The following MRTFB variants were observed in gnomAD, a reference collection of about 807,000 sequenced individuals.
MRTFB encodes the protein myocardin related transcription factor B.
Under a neutral mutation model 104.2 loss-of-function variants are expected in MRTFB, and 29 were observed. That is an observed-to-expected ratio of 0.28 (90% CI 0.21 to 0.38). The LOEUF (loss-of-function observed/expected upper bound fraction) is 0.38. Ranked by LOEUF, MRTFB falls within the 10% of genes least tolerant of loss-of-function variation. The probability of loss-of-function intolerance (pLI) is 1.00; values close to 1 mark genes in which losing one functional copy is unlikely to be tolerated. For synonymous variants in MRTFB, 535 were observed against 519.5 expected (o/e 1.03, Z -0.41); for missense variants, 1,270 against 1,341.6 (o/e 0.95, Z 0.83).
chr16:14,198,633 C>A (rs1398912358), intron 3 of MRTFB, among the ~76,000 whole-genome samples: 1 of 152,162 alleles, frequency 6.6e-6, no homozygotes, highest in African/African-American at 2.4e-5. Flanking sequence ...TATTCCAAAC[C>A]TCCTTCACTG....
intron 2 of MRTFB, among the ~76,000 whole-genome samples, chr16:14,124,265 T>A (rs1030127850): frequency 6.6e-6 from 1 of 152,190 alleles, no homozygotes; most frequent in African/African-American, 2.4e-5. Flanking sequence ...TTTCTTTCTC[T>A]TGCCTGATTG....
At chr16:14,185,331 C>CA (rs2039915322) in intron 3 of MRTFB, among the ~76,000 whole-genome samples, 1 of 152,188 alleles carries the variant, frequency 6.6e-6, no homozygotes, top group Non-Finnish European at 1.5e-5. Flanking sequence ...CAGAATACTT[C>CA]ATCCAGACCC....
chr16:14,110,272 A>C (rs1221768918), intron 2 of MRTFB, among the ~76,000 whole-genome samples: 1 of 152,192 alleles, frequency 6.6e-6, no homozygotes, highest in African/African-American at 2.4e-5. Flanking sequence ...GCAGAGGCCA[A>C]AACCACATGG....
intron 3 of MRTFB, among the ~76,000 whole-genome samples, chr16:14,176,318 G>A (rs1567416289): frequency 1.3e-5 from 2 of 152,204 alleles, no homozygotes; most frequent in African/African-American, 4.8e-5. Context: ...TACAGTTCCA[G>A]CTCGCAAAGA....
At chr16:14,170,715 G>A (rs2039395555) in intron 3 of MRTFB, among the ~76,000 whole-genome samples, 1 of 152,116 alleles carries the variant, frequency 6.6e-6, no homozygotes, top group Admixed American at 6.5e-5. Context: ...AGGTATTATA[G>A]GGTCAGAGAG....
chr16:14,218,896 G>C lies in MRTFB; in HGVS notation c.591G>C (p.Pro197=). Residue 197 remains proline, a synonymous_variant, in exon 8 of 17, where the codon CCG becomes CCC. Coordinates refer to ENST00000571589, the MANE Select transcript of MRTFB (RefSeq NM_001308142.2). The stretch of plus-strand genomic sequence containing the variant: ...AAGACAGCAGTGACGCTTTGTCTCC[G>C]GACCAGCCTGCGAGTCAGGAGTCAC... The part of the protein sequence containing the change: ...FDEDSSDALS[P]DQPASQESQG... 2 of 1,613,998 alleles carry C rather than the reference G, an allele frequency of 1.2e-6. No homozygotes were observed. Among genetic ancestry groups the C allele is most frequent in the African/African-American group, 2.7e-5 (2 of 75,006 alleles).
chr16:14,017,094 T>C, the MRTFB span, among the ~76,000 whole-genome samples: 1 of 148,646 alleles, frequency 6.7e-6, no homozygotes, highest in East Asian at 2.0e-4. Context: ...TCTCGCTCTG[T>C]TGCCCAGGCT....
intron 9 of MRTFB, among the ~76,000 whole-genome samples, chr16:14,234,856 G>T (rs1282943211): frequency 1.3e-5 from 2 of 152,102 alleles, no homozygotes; most frequent in Admixed American, 6.5e-5. Context: ...TGCCACCCAG[G>T]CCACTAAGAT....
Position 14,260,988 on chromosome 16 carries a change from A to G in MRTFB, c.2844A>G (p.Pro948=), listed in dbSNP as rs2043752730. The part of the protein sequence containing the change: ...RPVTASITTM[P]VNTVVSRPPP... ...TGACAGCCAGCATCACCACAATGCCAGTGAATACAGTGGTGTCCCGGCCAC... is the reference window on the plus strand; with the variant it reads ...TGACAGCCAGCATCACCACAATGCCGGTGAATACAGTGGTGTCCCGGCCAC... Residue 948 remains proline (P), a synonymous_variant, in exon 17 of 17, where the codon CCA becomes CCG. Transcript: ENST00000571589. 2.5e-6 allele frequency: 4 copies of G among 1,614,188 alleles called. No individual in the cohort carries two copies. In the East Asian group the frequency reaches 8.9e-5, roughly 36 times the overall value.
chr16:14,190,057 G>T (rs779462346), intron 3 of MRTFB, among the ~76,000 whole-genome samples: 2 of 152,224 alleles, frequency 1.3e-5, no homozygotes, highest in Non-Finnish European at 1.5e-5. Flanking sequence ...TGTCATCACA[G>T]TGCAGAGAAT....
At chr16:14,029,459 C>CACACAT in the MRTFB span, among the ~76,000 whole-genome samples, 2 of 133,622 alleles carry the variant, frequency 1.5e-5, no homozygotes, top group African/African-American at 2.8e-5. Flanking sequence ...CACACACACA[C>CACACAT]ATATATATAA....
chr16:14,156,404 A>G (rs952777059), intron 3 of MRTFB, among the ~76,000 whole-genome samples: 5 of 152,230 alleles, frequency 3.3e-5, no homozygotes, highest in African/African-American at 7.2e-5. Context: ...TACTGGAAGT[A>G]CCAAGTTGCT....
the MRTFB span, among the ~76,000 whole-genome samples, chr16:14,065,168 T>C: frequency 6.6e-6 from 1 of 152,240 alleles, no homozygotes; most frequent in Non-Finnish European, 1.5e-5. Context: ...TGCAGAGTTC[T>C]TTCCCCTCCC....
intron 2 of MRTFB, among the ~76,000 whole-genome samples, chr16:14,106,906 A>C (rs2036008438): frequency 6.6e-6 from 1 of 152,230 alleles, no homozygotes; most frequent in African/African-American, 2.4e-5. Context: ...TGTATGTTCA[A>C]GTGTGCTAAA....
chr16:14,246,848 A>C lies in MRTFB; in HGVS notation c.1588A>C (p.Met530Leu). Residue 530 changes from methionine to leucine, a missense_variant, in exon 12 of 17, where the codon ATG becomes CTG. By Grantham distance (15) the Met-to-Leu change is conservative. Transcript: ENST00000571589. The stretch of plus-strand genomic sequence containing the variant: ...CATGGCAGACACTTTCACCGAGATT[A>C]TGACCATGATGTCGCCTTCACAGTT... ...TNMADTFTEI[M>L]TMMSPSQFLS... 1 of 1,612,914 alleles carries C rather than the reference A, an allele frequency of 6.2e-7. No individual in the cohort carries two copies. Among genetic ancestry groups the C allele is most frequent in the Non-Finnish European group, 8.5e-7 (1 of 1,180,032 alleles).
intron 3 of MRTFB, among the ~76,000 whole-genome samples, chr16:14,192,098 C>T (rs888858164): frequency 1.3e-5 from 2 of 151,836 alleles, no homozygotes; most frequent in South Asian, 2.1e-4. Context: ...GAGTGGGGCA[C>T]GGTGGCTCAC....
chr16:14,108,534 A>G (rs1324671123), intron 2 of MRTFB, among the ~76,000 whole-genome samples: 1 of 152,218 alleles, frequency 6.6e-6, no homozygotes, highest in East Asian at 1.9e-4. Flanking sequence ...TAAAGTCAAT[A>G]TGTGAGAGAT....
intron 2 of MRTFB, among the ~76,000 whole-genome samples, chr16:14,118,455 T>G (rs2036660253): frequency 1.3e-5 from 2 of 151,686 alleles, no homozygotes; most frequent in Non-Finnish European, 2.9e-5. Context: ...CCCATCTTCT[T>G]TCTGCAGAAC....
intron 2 of MRTFB, among the ~76,000 whole-genome samples, chr16:14,098,640 C>T (rs992028945): frequency 6.6e-6 from 1 of 152,154 alleles, no homozygotes; most frequent in African/African-American, 2.4e-5. Context: ...AACCTGAGGT[C>T]AGAGAAGGTA....
Sources: gnomAD v4.1 joint callset for allele counts (sites outside exome capture counted in the v4.1 genomes callset) on GRCh38, gnomAD v4.1.1 for gene constraint, MANE v1.5 for transcripts, NCBI Gene and HGNC (gene_info 2026-07-23, HGNC 2026-07-21) for gene names.